Variants in HMGB1 observed in about 807,000 individuals in gnomAD.
The protein encoded by HMGB1 is high mobility group box 1, also known as high mobility group protein B1.
For missense variants in HMGB1, 79 were observed against 253.5 expected (o/e 0.31, Z 4.67); for synonymous variants, 81 against 84.0 (o/e 0.96, Z 0.19).
intron 1 of HMGB1, among the ~76,000 whole-genome samples, chr13:30,565,250 T>C (rs1049817473): frequency 6.6e-6 from 1 of 152,228 alleles, no homozygotes; most frequent in African/African-American, 2.4e-5. Flanking sequence ...CTCTGTGACC[T>C]ACACAGGCAA....
intron 1 of HMGB1, among the ~76,000 whole-genome samples, chr13:30,497,862 G>A (rs2137448700): frequency 6.6e-6 from 1 of 152,238 alleles, no homozygotes; most frequent in South Asian, 2.1e-4. Flanking sequence ...CCACTGATGG[G>A]CATTTAGGTT....
chr13:30,516,536 T>C (rs1267279243), intron 1 of HMGB1, among the ~76,000 whole-genome samples: 1 of 152,230 alleles, frequency 6.6e-6, no homozygotes, highest in Non-Finnish European at 1.5e-5. Flanking sequence ...TGTTTTGTCA[T>C]CTAATACTTT....
intron 1 of HMGB1, among the ~76,000 whole-genome samples, chr13:30,558,646 C>T (rs952841637): frequency 6.6e-6 from 1 of 152,122 alleles, no homozygotes; most frequent in Non-Finnish European, 1.5e-5. Flanking sequence ...GGCTATGAAA[C>T]CTTCCTTTTT....
chr13:30,599,467 TCAAAAACAAAAAAA>T (rs984061595), intron 1 of HMGB1, among the ~76,000 whole-genome samples: 13 of 152,096 alleles, frequency 8.5e-5, no homozygotes, highest in East Asian at 3.9e-4. Flanking sequence ...AAACTCTGTC[TCAAAAACAAAAAAA>T]CAAAAACAAA....
intron 1 of HMGB1, among the ~76,000 whole-genome samples, chr13:30,594,176 C>T (rs1871498857): frequency 6.6e-6 from 1 of 152,208 alleles, no homozygotes; most frequent in Non-Finnish European, 1.5e-5. Context: ...AGTGATAAAG[C>T]AAATGAGATG....
At chr13:30,478,736 A>G (rs1887156193) in intron 1 of HMGB1, among the ~76,000 whole-genome samples, 2 of 152,306 alleles carry the variant, frequency 1.3e-5, no homozygotes, top group Middle Eastern at 6.8e-3. Context: ...GCACAATCAT[A>G]GCTCACTGCA....
exon 1 of HMGB1, chr13:30,616,717 T>C (rs1950568249): frequency 6.6e-6 from 1 of 152,222 alleles, no homozygotes. Flanking sequence ...CTGGATTCCT[T>C]GGCCATTTGC....
intron 1 of HMGB1, among the ~76,000 whole-genome samples, chr13:30,528,872 C>T (rs1888431627): frequency 6.6e-6 from 1 of 151,444 alleles, no homozygotes; most frequent in South Asian, 2.1e-4. Flanking sequence ...ACTAAAAACA[C>T]AAAAAAATTA....
intron 1 of HMGB1, chr13:30,465,237 C>T: frequency 6.3e-6 from 2 of 319,600 alleles, no homozygotes; most frequent in Non-Finnish European, 8.8e-6. Context: ...GCCGGGCCCG[C>T]ACTGCCGCCC....
chr13:30,471,862 G>C (rs1193580874), intron 1 of HMGB1, among the ~76,000 whole-genome samples: 1 of 145,644 alleles, frequency 6.9e-6, no homozygotes, highest in African/African-American at 2.6e-5. Flanking sequence ...TAGAGATGGG[G>C]TTTCACCATG....
intron 1 of HMGB1, among the ~76,000 whole-genome samples, chr13:30,531,953 G>T (rs991730692): frequency 6.6e-6 from 1 of 151,616 alleles, no homozygotes; most frequent in Non-Finnish European, 1.5e-5. Context: ...TTACAAAACA[G>T]AAATCTAAAG....
chr13:30,539,906 C>T (rs545329650), intron 1 of HMGB1: 9 of 155,714 alleles, frequency 5.8e-5, no homozygotes, highest in South Asian at 5.3e-4. Flanking sequence ...CTTGATTTCA[C>T]GTTGAGTCTG....
At chr13:30,522,109 C>CTT (rs35096026) in intron 1 of HMGB1, among the ~76,000 whole-genome samples, 20,597 of 130,090 alleles carry the variant, frequency 0.16, 2,271 homozygotes, top group East Asian at 0.28. Flanking sequence ...AATTATGATA[C>CTT]TTTTTTTTTT....
Position 30,483,320 on chromosome 13 carries a change from G to A in HMGB1, c.-14-19626C>T, listed in dbSNP as rs1403167167. The stretch of plus-strand genomic sequence containing the variant: ...CCTCTGGGGGTCCTCTCACTCAGTT[G>A]CCCGGCCCAGAAACCTGAGTATCAT... On this transcript the variant is annotated intron_variant, in intron 1 of 4. Coordinates refer to the HMGB1 transcript ENST00000405805. Among the ~76,000 whole-genome samples the A allele has an allele frequency of 1.3e-5, 2 of 151,450 alleles. 1 individual carries two copies.
At chr13:30,471,358 T>C (rs568129467) in intron 1 of HMGB1, among the ~76,000 whole-genome samples, 1 of 152,258 alleles carries the variant, frequency 6.6e-6, no homozygotes, top group Admixed American at 6.5e-5. Flanking sequence ...TTTTGTTTTT[T>C]GTTTTTGAGA....
chr13:30,492,966 G>A (rs1436727830), intron 1 of HMGB1, among the ~76,000 whole-genome samples: 1 of 145,372 alleles, frequency 6.9e-6, no homozygotes, highest in Non-Finnish European at 1.5e-5. Context: ...ACTCCAGCCT[G>A]GCCAGGTGAC....
rs544790311 is a variant in HMGB1, at chr13:30,613,706, A to C, written c.-15+2965T>G. ...AACAGCCATTCAGGTGATGTGATTT[A>C]TCTCATATGCTTACTTTAGAGTCAA... On this transcript the variant is annotated intron_variant, in intron 1 of 4. Transcript: ENST00000405805. Among the ~76,000 whole-genome samples the C allele has an allele frequency of 2.2e-4, 34 of 152,322 alleles. No individual in the cohort carries two copies. The South Asian group carries it at 6.2e-3, about 28-fold the overall frequency.
chr13:30,478,399 T>C (rs1887148046), intron 1 of HMGB1, among the ~76,000 whole-genome samples: 1 of 152,216 alleles, frequency 6.6e-6, no homozygotes, highest in South Asian at 2.1e-4. Context: ...ATTTATAATG[T>C]GGAAACAACC....
At chr13:30,562,774 G>A (rs539806388) in intron 1 of HMGB1, among the ~76,000 whole-genome samples, 2 of 152,282 alleles carry the variant, frequency 1.3e-5, no homozygotes, top group African/African-American at 2.4e-5. Flanking sequence ...GAGACGGTAC[G>A]GTATTACTAT....
Sources: gnomAD v4.1 joint callset for allele counts (sites outside exome capture counted in the v4.1 genomes callset) on GRCh38, gnomAD v4.1.1 for gene constraint, MANE v1.5 for transcripts, NCBI Gene and HGNC (gene_info 2026-07-23, HGNC 2026-07-21) for gene names.